Variants in KAZN observed in about 807,000 individuals in gnomAD.
KAZN encodes the protein kazrin.
A neutral mutation model predicts 87.4 loss-of-function variants in KAZN; 40 were observed. The ratio of observed to expected loss-of-function variants is 0.46; its 90% CI spans 0.36 to 0.60. KAZN has a LOEUF of 0.60. Among genes scored for constraint, KAZN ranks in the 20% least tolerant of loss-of-function variants. The pLI is 0.00. For missense variants in KAZN, 898 were observed against 1,073.9 expected (o/e 0.84, Z 2.29); for synonymous variants, 466 against 458.3 (o/e 1.02, Z -0.22).
chr1:14,615,443 C>A (rs1378777165), intron 1 of KAZN, among the ~76,000 whole-genome samples: 1 of 152,194 alleles, frequency 6.6e-6, no homozygotes, highest in African/African-American at 2.4e-5. Context: ...GCCTGGCCAA[C>A]ATGGCAAAAC....
At position 15,043,225 on chromosome 1, in the gene KAZN, G is replaced by A. The variant is rs999342571; in HGVS notation, c.556-764G>A. The stretch of plus-strand genomic sequence containing the variant: ...TGTGGCAGTCCAGACAATTGGGGTC[G>A]CTGGTGCCTCCTTACTGTTGACCCT... On this transcript the variant is annotated intron_variant, in intron 3 of 14. Transcript: ENST00000376030. Among the ~76,000 whole-genome samples, 10 of 152,350 alleles carry A rather than the reference G, an allele frequency of 6.6e-5. 1 individual carries two copies. The highest frequency in any genetic ancestry group is 4.1e-4 in the South Asian group (2 of 4,830).
At chr1:14,663,221 C>A (rs181223066) in intron 1 of KAZN, among the ~76,000 whole-genome samples, 16 of 152,210 alleles carry the variant, frequency 1.1e-4, no homozygotes, top group African/African-American at 3.9e-4. Flanking sequence ...AAGCAATCCT[C>A]CTGCCTTTGC....
intron 2 of KAZN, among the ~76,000 whole-genome samples, chr1:14,439,925 C>G (rs1294871052): frequency 6.6e-6 from 1 of 152,184 alleles, no homozygotes; most frequent in East Asian, 1.9e-4. Context: ...CATCTCACCT[C>G]CTTCAGCGCT....
At chr1:14,774,328 G>A (rs976612275) in intron 1 of KAZN, among the ~76,000 whole-genome samples, 4 of 151,994 alleles carry the variant, frequency 2.6e-5, no homozygotes, top group African/African-American at 9.7e-5. Flanking sequence ...CTCATTAGGG[G>A]GATTCGAAAG....
intron 1 of KAZN, among the ~76,000 whole-genome samples, chr1:14,157,664 C>T (rs927125734): frequency 2.6e-5 from 4 of 152,108 alleles, no homozygotes; most frequent in African/African-American, 9.7e-5. Flanking sequence ...CTTTCTTTAT[C>T]CTTGTCCTAT....
chr1:14,794,205 A>C (rs1041268101), intron 1 of KAZN, among the ~76,000 whole-genome samples: 12 of 152,202 alleles, frequency 7.9e-5, no homozygotes, highest in Non-Finnish European at 1.5e-4. Context: ...GAGGGCACTC[A>C]TTTCATGGAA....
chr1:13,907,438 G>T (rs541289456), intron 1 of KAZN, among the ~76,000 whole-genome samples: 4 of 151,940 alleles, frequency 2.6e-5, no homozygotes, highest in Non-Finnish European at 5.9e-5. Flanking sequence ...ATGGGCCCAG[G>T]CCTGGCAGAA....
At chr1:14,126,713 A>G (rs1429780973) in intron 1 of KAZN, among the ~76,000 whole-genome samples, 1 of 152,186 alleles carries the variant, frequency 6.6e-6, no homozygotes. Context: ...GGGGTTGTCA[A>G]TCAACCTTGG....
At chr1:14,890,652 C>T (rs1003134314) in intron 1 of KAZN, among the ~76,000 whole-genome samples, 8 of 152,126 alleles carry the variant, frequency 5.3e-5, no homozygotes, top group Admixed American at 2.0e-4. Flanking sequence ...CCGGGCCCCA[C>T]GGCGGATCCA....
At chr1:13,906,587 A>G (rs999370661) in intron 1 of KAZN, among the ~76,000 whole-genome samples, 1 of 152,104 alleles carries the variant, frequency 6.6e-6, no homozygotes, top group African/African-American at 2.4e-5. Context: ...TGGCTTCCAT[A>G]TATGTGTGAT....
chr1:14,168,008 C>T (rs144180702), intron 1 of KAZN, among the ~76,000 whole-genome samples: 13 of 152,266 alleles, frequency 8.5e-5, no homozygotes, highest in African/African-American at 2.6e-4. Flanking sequence ...CAAGCACGTC[C>T]CATCAGGGCC....
chr1:13,904,553 TCTA>T (rs1266122880), intron 1 of KAZN, among the ~76,000 whole-genome samples: 24 of 152,360 alleles, frequency 1.6e-4, no homozygotes, highest in Non-Finnish European at 2.9e-5. Context: ...GATATAGATT[TCTA>T]AGTTGAGTTA....
intron 1 of KAZN, among the ~76,000 whole-genome samples, chr1:14,660,852 T>C (rs1351543020): frequency 6.6e-6 from 1 of 152,210 alleles, no homozygotes; most frequent in East Asian, 1.9e-4. Context: ...TATGTTACAT[T>C]TTAGCCTTTG....
At chr1:14,152,741 T>C (rs1645503210) in intron 1 of KAZN, among the ~76,000 whole-genome samples, 2 of 152,230 alleles carry the variant, frequency 1.3e-5, no homozygotes, top group African/African-American at 4.8e-5. Context: ...GTAGCTCTAA[T>C]TTTAGTTTTT....
intron 2 of KAZN, among the ~76,000 whole-genome samples, chr1:14,420,451 C>CG (rs923815424): frequency 3.7e-4 from 57 of 152,294 alleles, no homozygotes; most frequent in African/African-American, 1.3e-3. Flanking sequence ...ACCGGAGCCA[C>CG]GGGGGGAGCT....
chr1:14,176,898 G>A (rs1646089638), intron 1 of KAZN, among the ~76,000 whole-genome samples: 1 of 152,180 alleles, frequency 6.6e-6, no homozygotes, highest in South Asian at 2.1e-4. Context: ...AGTGGCTCAT[G>A]CCTATAGTCC....
At chr1:13,900,293 G>T (rs576642655) in intron 1 of KAZN, among the ~76,000 whole-genome samples, 1 of 152,056 alleles carries the variant, frequency 6.6e-6, no homozygotes, top group African/African-American at 2.4e-5. Context: ...GGACAAAGAG[G>T]TGGGAGTCAG....
intron 1 of KAZN, among the ~76,000 whole-genome samples, chr1:14,100,726 T>C (rs1346437368): frequency 6.6e-6 from 1 of 152,200 alleles, no homozygotes; most frequent in Non-Finnish European, 1.5e-5. Context: ...CTAAATCACA[T>C]TGTTTGCACA....
chr1:14,790,780 C>A (rs1444397208), intron 1 of KAZN, among the ~76,000 whole-genome samples: 1 of 152,120 alleles, frequency 6.6e-6, no homozygotes, highest in African/African-American at 2.4e-5. Flanking sequence ...GCAAATTCTT[C>A]CTCCCAGGCT....
Sources: allele counts gnomAD v4.1 joint callset (sites outside exome capture counted in the v4.1 genomes callset), GRCh38; gene constraint gnomAD v4.1.1; transcripts MANE v1.5; gene names NCBI Gene and HGNC (gene_info 2026-07-23, HGNC 2026-07-21).